ERICH3: variants seen among roughly 807,000 people sequenced by gnomAD.
The protein encoded by ERICH3 is glutamate rich 3, also known as glutamate-rich protein 3.
ERICH3 carries 126 observed loss-of-function variants against 131.1 expected under a neutral mutation model. The ratio of observed to expected loss-of-function variants is 0.96; its 90% CI spans 0.83 to 1.11. ERICH3 has a LOEUF of 1.11. ERICH3 is among the 50% of genes most tolerant of loss of function. The probability of loss-of-function intolerance (pLI) is 0.00; values close to 1 mark genes in which losing one functional copy is unlikely to be tolerated. For missense variants in ERICH3, 2,050 were observed against 1,810.7 expected (o/e 1.13, Z -2.40); for synonymous variants, 695 against 644.6 (o/e 1.08, Z -1.18).
chr1:74,669,068 C>A (rs1570925514), intron 1 of ERICH3, among the ~76,000 whole-genome samples: 1 of 152,092 alleles, frequency 6.6e-6, no homozygotes, highest in African/African-American at 2.4e-5. Context: ...CTCCTGGATA[C>A]ACATACTCTG....
rs1282391587 is a variant in ERICH3, at chr1:74,673,643, G to C, written c.-124C>G. The C allele has an allele frequency of 5.7e-6, 6 of 1,048,002 alleles. No individual in the cohort carries two copies. The highest frequency in any genetic ancestry group is 3.8e-5 in the Admixed American group (1 of 26,384). The allele number at this position is 1,048,002 out of a possible 1,614,324, so 64.9% of individuals were successfully genotyped here. A position where few individuals can be genotyped will look rare whatever the true frequency, so the allele number is the denominator to read the frequency against. On this transcript the variant is annotated 5_prime_UTR_variant, in exon 1 of 15. Transcript: ENST00000326665. ...CTCCGCACCGAGGTCCCCTGTGCGC[G>C]GGCACCTGGGCTGGGCCGCCGCCGC...
intron 8 of ERICH3, among the ~76,000 whole-genome samples, chr1:74,614,407 G>T (rs2100600430): frequency 6.7e-6 from 1 of 149,570 alleles, no homozygotes; most frequent in Admixed American, 6.7e-5. Flanking sequence ...GGGCACGGTG[G>T]CTCACGCCTG....
chr1:74,656,290 G>C (rs484449), intron 1 of ERICH3, among the ~76,000 whole-genome samples: 101,194 of 152,014 alleles, frequency 0.67, 33,954 homozygotes, highest in Middle Eastern at 0.71. Flanking sequence ...CATCTAGGTT[G>C]CCTTAATAAA....
intron 13 of ERICH3, among the ~76,000 whole-genome samples, chr1:74,573,785 GC>G (rs954739077): frequency 1.3e-5 from 2 of 151,734 alleles, no homozygotes; most frequent in Admixed American, 1.3e-4. Context: ...GCAGCAATAA[GC>G]AAAAAAAATC....
rs1411026051 is a variant in ERICH3 at position 74,586,196 on chromosome 1, A to G, written c.2176+3435T>C. On this transcript the variant is annotated intron_variant, in intron 12 of 14. Coordinates refer to ENST00000326665, the MANE Select transcript of ERICH3 (RefSeq NM_001002912.5). ...CTGTGGCAATATAAGAATAACAGAT[A>G]AGGTGAATAAGAAGAAAAGAGAAGT... Among the ~76,000 whole-genome samples, 4 of 152,134 alleles carry G rather than the reference A, an allele frequency of 2.6e-5. No homozygotes were observed. In the East Asian group the frequency reaches 7.7e-4, roughly 29 times the overall value.
At chr1:74,611,713 A>G (rs1245893297) in intron 9 of ERICH3, among the ~76,000 whole-genome samples, 1 of 152,070 alleles carries the variant, frequency 6.6e-6, no homozygotes, top group Non-Finnish European at 1.5e-5. Flanking sequence ...CTTTTCCTCT[A>G]TCTCAAAAGC....
rs745309347 is a variant in ERICH3 at position 74,569,146 on chromosome 1, C to T, written c.*1312G>A. ...TATATGATGATTTAGAACAGCGGTTCTCAACCTTGGCTACAGAGAAGAATC... is the reference window on the plus strand; with the variant it reads ...TATATGATGATTTAGAACAGCGGTTTTCAACCTTGGCTACAGAGAAGAATC... On this transcript the variant is annotated 3_prime_UTR_variant, in exon 15 of 15. Transcript: ENST00000326665. 1 of 152,144 alleles carries T rather than the reference C, an allele frequency of 6.6e-6. No individual in the cohort carries two copies. Among genetic ancestry groups the T allele is most frequent in the Non-Finnish European group, 1.5e-5 (1 of 68,036 alleles). 9.4% of individuals were successfully genotyped at this position (152,144 alleles called of 1,614,324 possible).
intron 11 of ERICH3, among the ~76,000 whole-genome samples, chr1:74,590,862 GT>G (rs1239425815): frequency 1.3e-5 from 2 of 151,980 alleles, no homozygotes; most frequent in African/African-American, 2.4e-5. Context: ...AACCATCCCT[GT>G]TTTTTTGTTG....
At chr1:74,637,121 G>A (rs972996761) in intron 5 of ERICH3, among the ~76,000 whole-genome samples, 7 of 152,114 alleles carry the variant, frequency 4.6e-5, no homozygotes, top group Non-Finnish European at 1.0e-4. Flanking sequence ...CCTAGACTCT[G>A]GGGGTCACTC....
intron 9 of ERICH3, among the ~76,000 whole-genome samples, chr1:74,607,168 C>G (rs1260219130): frequency 6.6e-6 from 1 of 151,888 alleles, no homozygotes; most frequent in Non-Finnish European, 1.5e-5. Flanking sequence ...ACTCGTCAAC[C>G]AAGAACTATA....
At chr1:74,585,306 A>G (rs1465307610) in intron 12 of ERICH3, among the ~76,000 whole-genome samples, 3 of 152,196 alleles carry the variant, frequency 2.0e-5, no homozygotes, top group Non-Finnish European at 4.4e-5. Flanking sequence ...GATTGCAGCT[A>G]GCAATTATAA....
chr1:74,597,628 T>C (rs975948740), intron 11 of ERICH3, among the ~76,000 whole-genome samples: 1 of 151,994 alleles, frequency 6.6e-6, no homozygotes, highest in Non-Finnish European at 1.5e-5. Context: ...CTAGATATCA[T>C]GGCACTAACC....
chr1:74,649,935 G>A (rs943485663), intron 1 of ERICH3, among the ~76,000 whole-genome samples: 7 of 151,978 alleles, frequency 4.6e-5, no homozygotes, highest in African/African-American at 1.7e-4. Flanking sequence ...ATAAGACCCT[G>A]AGTTACTATC....
intron 12 of ERICH3, among the ~76,000 whole-genome samples, chr1:74,585,351 A>C (rs914206169): frequency 6.6e-6 from 1 of 152,222 alleles, no homozygotes; most frequent in East Asian, 1.9e-4. Context: ...TGTACAGTAC[A>C]TCTTTTATTC....
intron 12 of ERICH3, chr1:74,579,578 G>C: frequency 1.0e-6 from 1 of 985,324 alleles, no homozygotes; most frequent in Non-Finnish European, 1.2e-6. Flanking sequence ...TAAGTATCAA[G>C]GACTTACTAG....
chr1:74,663,181 C>T (rs545712203), intron 1 of ERICH3, among the ~76,000 whole-genome samples: 1 of 152,240 alleles, frequency 6.6e-6, no homozygotes, highest in Non-Finnish European at 1.5e-5. Context: ...AGCTACCAGA[C>T]ACCAAGCGAA....
At position 74,599,899 on chromosome 1, in the gene ERICH3, TCTC is replaced by T; in HGVS notation, c.1519_1521del (p.Glu507del). On this transcript the variant is annotated inframe_deletion, in exon 11 of 15. Transcript: ENST00000326665. ...TCTTCATTAGATTTTTCACCTTGTT[TCTC>T]CTCATCTACTTCAAAGTCTTCTTCA... The T allele has an allele frequency of 1.2e-6, 2 of 1,611,412 alleles. No homozygotes were observed. The highest frequency in any genetic ancestry group is 1.7e-6 in the Non-Finnish European group (2 of 1,178,584).
In ERICH3 at chr1:74,573,186, C is replaced by T. The variant is rs778539431; in HGVS notation, c.2524G>A (p.Ala842Thr). Reference protein sequence around the residue: ...PPGIERGAEGAAEAEGVRRLG... With the variant: ...PPGIERGAEGTAEAEGVRRLG... ...CTTCTGACCCCTTCTGCTTCTGCTG[C>T]TCCCTCTGCCCCCCTTTCTATGCCT... Residue 842 changes from alanine to threonine, a missense_variant, in exon 14 of 15, where the codon GCA becomes ACA. By Grantham distance (58) the Ala-to-Thr change is moderately conservative (BLOSUM62 0). Transcript: ENST00000326665. 15 of 1,613,300 alleles carry T rather than the reference C, an allele frequency of 9.3e-6. No individual in the cohort carries two copies. Among genetic ancestry groups the T allele is most frequent in the South Asian group, 1.1e-5 (1 of 90,990 alleles).
Position 74,589,876 on chromosome 1 carries a change from A to G in ERICH3, c.1931T>C (p.Ile644Thr), listed in dbSNP as rs747087818. The change falls in exon 12 of 15, where the codon ATT becomes ACT. Residue 644 changes from isoleucine to threonine, a missense_variant. Transcript: ENST00000326665. The part of the protein sequence containing the change: ...LPIEESLEIE[I>T]EDQEITKADV... Reference sequence around the variant, plus strand: ...TGCTTTTGTTATTTCTTGGTCTTCAATTTCAATTTCTAAGGATTCCTCAAT... The same window carrying G: ...TGCTTTTGTTATTTCTTGGTCTTCAGTTTCAATTTCTAAGGATTCCTCAAT... The G allele has an allele frequency of 3.1e-6, 5 of 1,613,838 alleles. No homozygotes were observed. Among genetic ancestry groups the G allele is most frequent in the East Asian group, 2.2e-5 (1 of 44,864 alleles).
Sources: allele counts gnomAD v4.1 joint callset (sites outside exome capture counted in the v4.1 genomes callset), GRCh38; gene constraint gnomAD v4.1.1; transcripts MANE v1.5; gene names NCBI Gene and HGNC (gene_info 2026-07-23, HGNC 2026-07-21).